The following SMAD3 variants were observed in gnomAD, a reference collection of about 807,000 sequenced individuals.
The protein encoded by SMAD3 is MAD homolog 3.
SMAD3 carries 12 observed loss-of-function variants against 51.8 expected under a neutral mutation model. The observed-to-expected ratio is 0.23, with a 90% confidence interval of 0.15 to 0.38. SMAD3 has a LOEUF of 0.38. SMAD3 is among the 10% of genes least tolerant of loss of function. SMAD3 has a pLI of 1.00. For missense variants in SMAD3, 294 were observed against 565.6 expected (o/e 0.52, Z 4.87); for synonymous variants, 238 against 227.7 (o/e 1.05, Z -0.41).
Position 67,192,261 on chromosome 15 carries a change from A to G in SMAD3, c.*1725A>G, listed in dbSNP as rs1278921925. 1 of 232,968 alleles carries G rather than the reference A, an allele frequency of 4.3e-6. No homozygotes were observed. The highest frequency in any genetic ancestry group is 8.5e-6 in the Non-Finnish European group (1 of 117,628). 14.4% of individuals were successfully genotyped at this position (232,968 alleles called of 1,614,324 possible). The stretch of plus-strand genomic sequence containing the variant: ...GTCCTGTGCCTCTGAAGTTCTAGCC[A>G]TGAGGTTTCCAGGTAGGACAGCTGC... On this transcript the variant is annotated 3_prime_UTR_variant, in exon 9 of 9. Transcript: ENST00000327367.
At chr15:67,127,308 A>G (rs1384746767) in intron 1 of SMAD3, among the ~76,000 whole-genome samples, 1 of 152,162 alleles carries the variant, frequency 6.6e-6, no homozygotes, top group Non-Finnish European at 1.5e-5. Flanking sequence ...CTCCCCCTGT[A>G]AAAAAGGAAA....
Position 67,098,825 on chromosome 15 carries a change from C to T in SMAD3, c.206+32465C>T. ...CATCCCCAGCGGGGGTCTGAGGGCCCACTGTTGCTCAGCTGGGGGATTTGG... is the reference window on the plus strand; with the variant it reads ...CATCCCCAGCGGGGGTCTGAGGGCCTACTGTTGCTCAGCTGGGGGATTTGG... On this transcript the variant is annotated intron_variant, in intron 1 of 8. Coordinates refer to ENST00000327367, the MANE Select transcript of SMAD3 (RefSeq NM_005902.4). 4.3e-6 allele frequency: 3 copies of T among 697,456 alleles called. No homozygotes were observed. In the South Asian group the frequency reaches 4.5e-5, roughly 10 times the overall value. The allele number at this position is 697,456 out of a possible 1,614,324, so 43.2% of individuals were successfully genotyped here. A position where few individuals can be genotyped will look rare whatever the true frequency, so the allele number is the denominator to read the frequency against.
chr15:67,172,907 C>T (rs1962789362), intron 5 of SMAD3, among the ~76,000 whole-genome samples: 1 of 152,186 alleles, frequency 6.6e-6, no homozygotes, highest in South Asian at 2.1e-4. Context: ...GGCTGTGGCT[C>T]CCGGGGGGAA....
At chr15:67,162,581 A>T (rs1962457912) in intron 1 of SMAD3, among the ~76,000 whole-genome samples, 1 of 152,166 alleles carries the variant, frequency 6.6e-6, no homozygotes, top group Non-Finnish European at 1.5e-5. Flanking sequence ...AGAAGCCTTT[A>T]TCATGGCCTT....
chr15:67,105,362 TC>T (rs1960854312), intron 1 of SMAD3, among the ~76,000 whole-genome samples: 1 of 152,110 alleles, frequency 6.6e-6, no homozygotes, highest in African/African-American at 2.4e-5. Context: ...ATGGCGCACC[TC>T]CACGGCCACA....
chr15:67,111,557 A>G (rs1961014604), intron 1 of SMAD3, among the ~76,000 whole-genome samples: 1 of 152,162 alleles, frequency 6.6e-6, no homozygotes, highest in Non-Finnish European at 1.5e-5. Context: ...CCTTTTTGAG[A>G]AACTGCCAAA....
intron 1 of SMAD3, among the ~76,000 whole-genome samples, chr15:67,075,034 A>G (rs139826318): frequency 1.3e-5 from 2 of 151,782 alleles, no homozygotes; most frequent in African/African-American, 4.8e-5. Context: ...TTTCTTTTCA[A>G]CTGGACATTT....
At chr15:67,170,480 TGTAA>T (rs1962717741) in intron 4 of SMAD3, 70 bp from the exon 5 acceptor site, 1 of 1,218,774 alleles carries the variant, frequency 8.2e-7, no homozygotes, top group Non-Finnish European at 1.2e-6. Context: ...CTCCTTGATA[TGTAA>T]GTGTTTAGTA....
chr15:67,142,023 G>T (rs553825930), intron 1 of SMAD3, among the ~76,000 whole-genome samples: 4 of 152,140 alleles, frequency 2.6e-5, no homozygotes, highest in Admixed American at 6.5e-5. Context: ...GGCTTGTTCA[G>T]TCAACAAAGG....
At chr15:67,173,763 G>A (rs955351454) in intron 5 of SMAD3, among the ~76,000 whole-genome samples, 5 of 152,206 alleles carry the variant, frequency 3.3e-5, no homozygotes, top group Admixed American at 1.3e-4. Context: ...AACCCACTTA[G>A]ACAGCTCTTC....
chr15:67,166,622 A>G, intron 3 of SMAD3, 157 bp from the exon 4 acceptor site: 1 of 697,688 alleles, frequency 1.4e-6, no homozygotes, highest in Non-Finnish European at 2.6e-6. Context: ...GGGCGAGGAC[A>G]ACAGAACCAA....
chr15:67,142,555 A>T (rs1961858744), intron 1 of SMAD3, among the ~76,000 whole-genome samples: 1 of 152,052 alleles, frequency 6.6e-6, no homozygotes, highest in African/African-American at 2.4e-5. Context: ...AGTGTCCTAG[A>T]TAAGAGGTTT....
At chr15:67,105,128 G>A (rs1238269764) in intron 1 of SMAD3, among the ~76,000 whole-genome samples, 4 of 152,180 alleles carry the variant, frequency 2.6e-5, no homozygotes, top group Admixed American at 6.5e-5. Flanking sequence ...AAGATCCCTG[G>A]CCTGGAGTTT....
In SMAD3 at chr15:67,192,438, A is replaced by G. The variant is rs745490452; in HGVS notation, c.*1902A>G. ...GGGCCAAATGCTGTGAGTCTGAAGT[A>G]TGTGCCTGGTGTGAAATGATCTATG... On this transcript the variant is annotated 3_prime_UTR_variant, in exon 9 of 9. Transcript: ENST00000327367. The G allele has an allele frequency of 4.3e-6, 1 of 233,428 alleles. No homozygotes were observed. Among genetic ancestry groups the G allele is most frequent in the Non-Finnish European group, 8.5e-6 (1 of 118,042 alleles). The allele number at this position is 233,428 out of a possible 1,614,324, so 14.5% of individuals were successfully genotyped here.
At chr15:67,117,460 G>A (rs909074852) in intron 1 of SMAD3, among the ~76,000 whole-genome samples, 5 of 152,076 alleles carry the variant, frequency 3.3e-5, no homozygotes, top group African/African-American at 9.7e-5. Context: ...CCCAAAGCAG[G>A]TCCCCCCAAG....
intron 1 of SMAD3, among the ~76,000 whole-genome samples, chr15:67,163,563 T>C (rs1358363518): frequency 1.3e-5 from 2 of 152,182 alleles, no homozygotes; most frequent in Non-Finnish European, 2.9e-5. Context: ...CCACCCAGAC[T>C]CTCATCATCC....
At chr15:67,075,981 T>C (rs1960158629) in intron 1 of SMAD3, among the ~76,000 whole-genome samples, 1 of 152,032 alleles carries the variant, frequency 6.6e-6, no homozygotes, top group African/African-American at 2.4e-5. Flanking sequence ...TCGATCATAA[T>C]ACATAGTAGA....
chr15:67,071,620 G>A (rs1464567879), intron 1 of SMAD3, among the ~76,000 whole-genome samples: 1 of 152,102 alleles, frequency 6.6e-6, no homozygotes, highest in Non-Finnish European at 1.5e-5. Context: ...AACCATTCTG[G>A]CTAACACGGT....
chr15:67,077,325 A>T (rs2140200724), intron 1 of SMAD3, among the ~76,000 whole-genome samples: 1 of 152,328 alleles, frequency 6.6e-6, no homozygotes, highest in Admixed American at 6.5e-5. Flanking sequence ...TGGCACCATT[A>T]TATGGGTAGC....
Sources: allele counts gnomAD v4.1 joint callset (sites outside exome capture counted in the v4.1 genomes callset), GRCh38; gene constraint gnomAD v4.1.1; transcripts MANE v1.5; gene names NCBI Gene and HGNC (gene_info 2026-07-23, HGNC 2026-07-21).